Variants in KDELR2 observed in about 807,000 individuals in gnomAD.
The protein encoded by KDELR2 is KDEL endoplasmic reticulum protein retention receptor 2.
Under a neutral mutation model 23.9 loss-of-function variants are expected in KDELR2, and 15 were observed. The ratio of observed to expected loss-of-function variants is 0.63; its 90% confidence interval spans 0.42 to 0.97. KDELR2 has a LOEUF of 0.97. Ranked by LOEUF, KDELR2 falls within the 50% of genes least tolerant of loss-of-function variation. The pLI is 0.00. For missense variants in KDELR2, 272 were observed against 254.6 expected, an observed-to-expected ratio of 1.07 and a Z score of -0.46; for synonymous variants, 119 against 106.2, an observed-to-expected ratio of 1.12 and a Z score of -0.74.
chr7:6,479,881 C>G (rs1785851399), intron 1 of KDELR2, among the ~76,000 whole-genome samples: 1 of 152,244 alleles, frequency 6.6e-6, no homozygotes, highest in Non-Finnish European at 1.5e-5. Flanking sequence ...TACTCAGAGA[C>G]TGGCACTCAA....
intron 1 of KDELR2, among the ~76,000 whole-genome samples, chr7:6,476,899 G>C (rs1320637486): frequency 1.3e-5 from 2 of 152,168 alleles, no homozygotes; most frequent in Admixed American, 6.5e-5. Context: ...ATCTTTAAAG[G>C]CTGGGGTCAT....
At chr7:6,464,822 G>A (rs1785467557) in intron 4 of KDELR2, among the ~76,000 whole-genome samples, 3 of 144,012 alleles carry the variant, frequency 2.1e-5, no homozygotes, top group African/African-American at 7.8e-5. Flanking sequence ...TGCAACCTCT[G>A]CCTCCCGGGT....
At chr7:6,472,796 G>C (rs1259142203) in intron 2 of KDELR2, among the ~76,000 whole-genome samples, 2 of 152,032 alleles carry the variant, frequency 1.3e-5, no homozygotes, top group Non-Finnish European at 2.9e-5. Flanking sequence ...ATAACCAAAT[G>C]GCCTAGAATA....
intron 1 of KDELR2, among the ~76,000 whole-genome samples, chr7:6,479,129 C>G (rs1404071955): frequency 6.6e-6 from 1 of 151,830 alleles, no homozygotes; most frequent in Admixed American, 6.6e-5. Context: ...TACATTGCAG[C>G]TTTCTTGAGA....
chr7:6,466,007 TG>T, intron 4 of KDELR2, 63 bp downstream of exon 4: 1 of 1,558,802 alleles, frequency 6.4e-7, no homozygotes, highest in East Asian at 2.3e-5. Flanking sequence ...AGAAGAGTGC[TG>T]GGCAAGGGCA....
chr7:6,477,093 C>T (rs1785769251), intron 1 of KDELR2, among the ~76,000 whole-genome samples: 1 of 152,228 alleles, frequency 6.6e-6, no homozygotes, highest in Admixed American at 6.5e-5. Flanking sequence ...ATGTCCAGGT[C>T]ATACTGTGTC....
In KDELR2 at chr7:6,469,737, G is replaced by A; in HGVS notation, c.210C>T (p.Cys70=). The A allele has an allele frequency of 6.2e-7, 1 of 1,613,510 alleles. No homozygotes were observed. Among genetic ancestry groups the A allele is most frequent in the Non-Finnish European group, 8.5e-7 (1 of 1,179,726 alleles). ...AGATCAGGTACACTGTGGCATAGGA[G>A]CAGGCAAGGTAGATAACCTACAAAT... ...NTSMKVIYLA[C]SYATVYLIYL... is the part of the protein sequence containing the mutation. The change falls in exon 3 of 5, where the codon TGC becomes TGT. Residue 70 remains cysteine, a synonymous_variant. Coordinates refer to ENST00000258739, the MANE Select transcript of KDELR2 (RefSeq NM_006854.4).
intron 2 of KDELR2, among the ~76,000 whole-genome samples, chr7:6,472,410 T>C (rs1785667527): frequency 6.6e-6 from 1 of 152,146 alleles, no homozygotes; most frequent in Non-Finnish European, 1.5e-5. Flanking sequence ...CGCCAGACTT[T>C]CAGGACATCG....
intron 1 of KDELR2, among the ~76,000 whole-genome samples, chr7:6,481,226 G>A (rs1279593638): frequency 4.0e-5 from 6 of 151,846 alleles, no homozygotes; most frequent in African/African-American, 7.3e-5. Context: ...AAAATTAGCC[G>A]AGCGTGGTGG....
intron 1 of KDELR2, chr7:6,482,687 G>C (rs1264945539): frequency 5.8e-6 from 2 of 342,570 alleles, no homozygotes; most frequent in South Asian, 2.1e-5. Flanking sequence ...AGATAATTCA[G>C]GATCATCTTT....
chr7:6,475,229 G>A (rs150294020), intron 1 of KDELR2, among the ~76,000 whole-genome samples: 3 of 152,226 alleles, frequency 2.0e-5, no homozygotes, highest in African/African-American at 7.2e-5. Flanking sequence ...AATCGCTTGA[G>A]CCCAGGAGTT....
intron 1 of KDELR2, among the ~76,000 whole-genome samples, chr7:6,483,574 G>A (rs1463612033): frequency 1.3e-5 from 2 of 152,200 alleles, no homozygotes; most frequent in Admixed American, 6.5e-5. Flanking sequence ...TTGATTCGCG[G>A]GTTTCCTGCA....
At position 6,462,993 on chromosome 7, in the gene KDELR2, C is replaced by T; in HGVS notation, c.*148G>A. 2.5e-6 allele frequency: 4 copies of T among 1,613,952 alleles called. No individual in the cohort carries two copies. Among genetic ancestry groups the T allele is most frequent in the Non-Finnish European group, 3.4e-6 (4 of 1,179,982 alleles). On this transcript the variant is annotated 3_prime_UTR_variant, in exon 5 of 5. Transcript: ENST00000258739. Reference sequence around the variant, plus strand: ...AAACAGAAACCTTCTGGCTCTTTTCCTCTGCGTTTTTACAGAGCCACTGAT... The same window carrying T: ...AAACAGAAACCTTCTGGCTCTTTTCTTCTGCGTTTTTACAGAGCCACTGAT...
Position 6,474,210 on chromosome 7 carries a change from T to C in KDELR2, c.166A>G (p.Ile56Val). 6.2e-7 allele frequency: 1 copy of C among 1,612,852 alleles called. No individual in the cohort carries two copies. The highest frequency in any genetic ancestry group is 8.5e-7 in the Non-Finnish European group (1 of 1,178,880). ...TRYLDLFTSF[I>V]SLYNTSMKVI... Reference sequence around the variant, plus strand: ...TTCATAGATGTGTTATACAATGAAATAAATGAAGTAAAAAGATCCAGGTAA... The same window carrying C: ...TTCATAGATGTGTTATACAATGAAACAAATGAAGTAAAAAGATCCAGGTAA... The change falls in exon 2 of 5, where the codon ATT becomes GTT. Residue 56 changes from isoleucine (I) to valine (V), a missense_variant. Physicochemically the swap from Ile to Val is conservative, Grantham distance 29. Transcript: ENST00000258739.
chr7:6,479,132 T>G (rs1223885453), intron 1 of KDELR2, among the ~76,000 whole-genome samples: 10 of 152,020 alleles, frequency 6.6e-5, no homozygotes, highest in Admixed American at 6.6e-4. Context: ...ATTGCAGCTT[T>G]CTTGAGAATA....
At position 6,477,229 on chromosome 7, in the gene KDELR2, C is replaced by T. The variant is rs73674117; in HGVS notation, c.92-2945G>A. On this transcript the variant is annotated intron_variant, in intron 1 of 4. Coordinates refer to ENST00000258739, the MANE Select transcript of KDELR2 (RefSeq NM_006854.4). The stretch of plus-strand genomic sequence containing the variant: ...TGGAGTAGCGTCCACGCAGGACAGC[C>T]TTGCTGGAAATCTGCGGATGCTAAC... 1.0e-2 allele frequency among the ~76,000 whole-genome samples: 1,487 copies of T among 149,128 alleles called. 27 individuals are homozygous for T. The highest frequency in any genetic ancestry group is 0.023 in the African/African-American group (956 of 41,332).
intron 3 of KDELR2, among the ~76,000 whole-genome samples, chr7:6,468,208 C>T (rs1785542887): frequency 6.6e-6 from 1 of 152,096 alleles, no homozygotes; most frequent in Non-Finnish European, 1.5e-5. Flanking sequence ...TTTTTTACAC[C>T]AGTCATGAAC....
At chr7:6,479,551 G>A (rs1461927153) in intron 1 of KDELR2, among the ~76,000 whole-genome samples, 1 of 151,970 alleles carries the variant, frequency 6.6e-6, no homozygotes, top group Non-Finnish European at 1.5e-5. Flanking sequence ...GTCTCGGCTC[G>A]CTGCAAGCTC....
At chr7:6,474,893 T>G (rs1653357029) in intron 1 of KDELR2, among the ~76,000 whole-genome samples, 1 of 152,130 alleles carries the variant, frequency 6.6e-6, no homozygotes, top group South Asian at 2.1e-4. Flanking sequence ...TGGGCCCAGC[T>G]TCCCAAAGCG....
Sources: gnomAD v4.1 joint callset for allele counts (sites outside exome capture counted in the v4.1 genomes callset) on GRCh38, gnomAD v4.1.1 for gene constraint, MANE v1.5 for transcripts, NCBI Gene and HGNC (gene_info 2026-07-23, HGNC 2026-07-21) for gene names.